The following OGDH variants were observed in gnomAD, a reference collection of about 807,000 sequenced individuals.
OGDH encodes the protein oxoglutarate dehydrogenase, also known as 2-oxoglutarate dehydrogenase complex component E1.
Under a neutral mutation model 116.6 loss-of-function variants are expected in OGDH, and 38 were observed. That is an observed-to-expected ratio of 0.33 (90% CI 0.25 to 0.43). OGDH has a LOEUF of 0.43. Among genes scored for constraint, OGDH ranks in the 20% least tolerant of loss-of-function variants. The pLI is 1.00. For synonymous variants in OGDH, 488 were observed against 533.3 expected, an observed-to-expected ratio of 0.92 and a Z score of 1.17; for missense variants, 825 against 1,357.2, an observed-to-expected ratio of 0.61 and a Z score of 6.16.
intron 10 of OGDH, among the ~76,000 whole-genome samples, chr7:44,693,260 A>T (rs1788440155): frequency 6.6e-6 from 1 of 151,902 alleles, no homozygotes; most frequent in Non-Finnish European, 1.5e-5. Context: ...GTGAGCTGAG[A>T]TCACGCCATT....
chr7:44,694,277 C>T lies in OGDH; in HGVS notation c.1516-147C>T. On this transcript the variant is annotated intron_variant, in intron 11 of 22. Transcript: ENST00000222673. The surrounding 1 kb of genome is among the most constrained non-coding windows in gnomAD (Gnocchi z 4.2). Reference sequence around the variant, plus strand: ...GTGTGAAGGAGAGATACACAGAATCCTAATTCTAGAGAAGGTAAACTCCAG... The same window carrying T: ...GTGTGAAGGAGAGATACACAGAATCTTAATTCTAGAGAAGGTAAACTCCAG... 1 of 1,039,472 alleles carries T rather than the reference C, an allele frequency of 9.6e-7. No homozygotes were observed. The highest frequency in any genetic ancestry group is 1.6e-5 in the South Asian group (1 of 62,084). The allele number at this position is 1,039,472 out of a possible 1,614,324, so 64.4% of individuals were successfully genotyped here. A position where few individuals can be genotyped will look rare whatever the true frequency, so the allele number is the denominator to read the frequency against.
At chr7:44,658,180 A>G (rs1209879272) in intron 4 of OGDH, among the ~76,000 whole-genome samples, 1 of 152,068 alleles carries the variant, frequency 6.6e-6, no homozygotes, top group Non-Finnish European at 1.5e-5. Flanking sequence ...TTAAACCTAT[A>G]GATCCATTTA....
chr7:44,689,600 A>G (rs146552843), intron 10 of OGDH, among the ~76,000 whole-genome samples: 161 of 151,922 alleles, frequency 1.1e-3, no homozygotes, highest in Admixed American at 2.2e-3. Context: ...TATTCTAGCC[A>G]TCCTAGAAGG....
intron 5 of OGDH, 109 bp from the exon 6 acceptor site, chr7:44,673,678 A>G: frequency 1.8e-6 from 2 of 1,089,984 alleles, no homozygotes; most frequent in Non-Finnish European, 2.8e-6. Flanking sequence ...ACATTTCAGA[A>G]CAAGCCTCCT....
chr7:44,668,976 T>A (rs1167973028), intron 5 of OGDH, among the ~76,000 whole-genome samples: 1 of 151,958 alleles, frequency 6.6e-6, no homozygotes, highest in Non-Finnish European at 1.5e-5. Context: ...CCATATAGCT[T>A]CTCCAAGTGG....
At position 44,624,357 on chromosome 7, in the gene OGDH, G is replaced by A; in HGVS notation, c.14G>A (p.Arg5Lys). Reference sequence around the variant, plus strand: ...TTCAGGACAAAAATGTTTCATTTAAGGACTTGTGCTGCTAAGTTGAGGCCA... The same window carrying A: ...TTCAGGACAAAAATGTTTCATTTAAAGACTTGTGCTGCTAAGTTGAGGCCA... MFHL[R>K]TCAAKLRPLT... Residue 5 changes from arginine (R) to lysine (K), a missense_variant, in exon 2 of 23, where the codon AGG becomes AAG. Arg to Lys is a conservative substitution (Grantham distance 26). Around this residue, in one of 7 missense-constraint regions of OGDH, gnomAD observed 126 missense variants for 130.4 expected, o/e 0.97. Transcript: ENST00000222673. The A allele has an allele frequency of 6.8e-7, 1 of 1,473,052 alleles. No individual in the cohort carries two copies. 91.2% of individuals were successfully genotyped at this position (1,473,052 alleles called of 1,614,324 possible). A position where few individuals can be genotyped will look rare whatever the true frequency, so the allele number is the denominator to read the frequency against.
intron 5 of OGDH, among the ~76,000 whole-genome samples, chr7:44,673,120 A>G (rs886134273): frequency 3.9e-5 from 6 of 152,174 alleles, no homozygotes; most frequent in African/African-American, 9.6e-5. Flanking sequence ...CTTATGGGCA[A>G]TCTTGCTTCC....
chr7:44,629,978 C>T lies in OGDH; in HGVS notation c.222+5413C>T, dbSNP rs148735730. ...CGCTGCAGGAGGGAGGGTCTCTATG[C>T]GTTCAGATTACAGGTGCAGGCTGTT... On this transcript the variant is annotated intron_variant, in intron 2 of 22. Transcript: ENST00000222673. Among the ~76,000 whole-genome samples the T allele has an allele frequency of 2.9e-3, 440 of 152,282 alleles. 2 individuals are homozygous for T. Among genetic ancestry groups the T allele is most frequent in the African/African-American group, 1.0e-2 (414 of 41,542 alleles).
In OGDH at chr7:44,697,966, G is replaced by A. The variant is rs1423286117; in HGVS notation, c.2358+184G>A. ...AGCCAGAGTAGCCCATCTGGATGTG[G>A]CTAGCATGCCCCGTCCCTGCTGGTG... On this transcript the variant is annotated intron_variant, in intron 17 of 22. Transcript: ENST00000222673. The surrounding 1 kb of genome is among the most constrained non-coding windows in gnomAD (Gnocchi z 6.0). Among the ~76,000 whole-genome samples the A allele has an allele frequency of 6.6e-6, 1 of 152,208 alleles. No homozygotes were observed. Among genetic ancestry groups the A allele is most frequent in the Non-Finnish European group, 1.5e-5 (1 of 68,038 alleles).
At chr7:44,672,728 C>T (rs1208319262) in intron 5 of OGDH, among the ~76,000 whole-genome samples, 1 of 151,354 alleles carries the variant, frequency 6.6e-6, no homozygotes, top group Non-Finnish European at 1.5e-5. Context: ...CTGCAACCTC[C>T]GCCTCCTGGG....
chr7:44,606,848 G>A (rs1784370761), intron 1 of OGDH, among the ~76,000 whole-genome samples, 195 bp downstream of exon 1: 2 of 152,162 alleles, frequency 1.3e-5, no homozygotes, highest in East Asian at 1.9e-4. Context: ...ATGGATGGCC[G>A]TGGCAGCCAA....
chr7:44,633,499 T>C (rs1467108365), intron 2 of OGDH, among the ~76,000 whole-genome samples: 1 of 152,140 alleles, frequency 6.6e-6, no homozygotes, highest in African/African-American at 2.4e-5. Flanking sequence ...CATCATGTTA[T>C]TAAAAAATAG....
rs898178742 is a variant in OGDH at position 44,698,058 on chromosome 7, G to A, written c.2359-134G>A. On this transcript the variant is annotated intron_variant, in intron 17 of 22. Coordinates refer to ENST00000222673, the MANE Select transcript of OGDH (RefSeq NM_002541.4). Reference sequence around the variant, plus strand: ...GAGCCAAGTGCTTTGCTGGTGGGAGGGGGAAGGAACTGAACCCTGCCATCA... The same window carrying A: ...GAGCCAAGTGCTTTGCTGGTGGGAGAGGGAAGGAACTGAACCCTGCCATCA... 3.9e-6 allele frequency: 4 copies of A among 1,029,116 alleles called. No individual in the cohort carries two copies. In the Admixed American group the frequency reaches 6.4e-5, roughly 16 times the overall value. 63.7% of individuals were successfully genotyped at this position (1,029,116 alleles called of 1,614,324 possible). A position where few individuals can be genotyped will look rare whatever the true frequency, so the allele number is the denominator to read the frequency against.
rs577248467 is a variant in OGDH at position 44,632,047 on chromosome 7, C to A, written c.222+7482C>A. Among the ~76,000 whole-genome samples, 8 of 152,216 alleles carry A rather than the reference C, an allele frequency of 5.3e-5. No homozygotes were observed. The East Asian group carries it at 9.7e-4, about 18-fold the overall frequency. ...AGGAGCCAGACGCAGCAAGAAAAAA[C>A]CAAAAATTTGGATTATGAAGTAAAT... On this transcript the variant is annotated intron_variant, in intron 2 of 22. Coordinates refer to ENST00000222673, the MANE Select transcript of OGDH (RefSeq NM_002541.4).
intron 2 of OGDH, among the ~76,000 whole-genome samples, chr7:44,643,418 A>G (rs1353597773): frequency 1.3e-5 from 2 of 151,730 alleles, no homozygotes; most frequent in East Asian, 1.9e-4. Flanking sequence ...AAAGGGAAGG[A>G]AAAAAAAAGT....
intron 10 of OGDH, among the ~76,000 whole-genome samples, chr7:44,692,759 G>A (rs188094291): frequency 3.9e-5 from 6 of 152,254 alleles, no homozygotes; most frequent in African/African-American, 1.4e-4. Flanking sequence ...TTCTGGCTGG[G>A]TACTGTGGCT....
rs1189078660 is a variant in OGDH at position 44,694,044 on chromosome 7, C to T, written c.1515+40C>T. The stretch of plus-strand genomic sequence containing the variant: ...GGACAGCACGTCCTGGGCAGAGCAT[C>T]TGACCCACCCCTCTTGCCCTCGGCA... On this transcript the variant is annotated intron_variant, in intron 11 of 22. Transcript: ENST00000222673. The surrounding 1 kb of genome is among the most constrained non-coding windows in gnomAD (Gnocchi z 4.2). 6.4e-6 allele frequency: 10 copies of T among 1,574,730 alleles called. No individual in the cohort carries two copies. The highest frequency in any genetic ancestry group is 7.8e-6 in the Non-Finnish European group (9 of 1,153,588).
chr7:44,615,121 A>G (rs554337316), intron 1 of OGDH, among the ~76,000 whole-genome samples: 135 of 152,306 alleles, frequency 8.9e-4, no homozygotes, highest in Non-Finnish European at 1.5e-3. Context: ...ATGAGCCACC[A>G]TGCCCGGACA....
chr7:44,678,065 G>C (rs1182975401), intron 9 of OGDH, among the ~76,000 whole-genome samples: 1 of 152,068 alleles, frequency 6.6e-6, no homozygotes. Context: ...GAACGAGTAT[G>C]ACCCACAGGG....
Sources: allele counts gnomAD v4.1 joint callset (sites outside exome capture counted in the v4.1 genomes callset), GRCh38; gene constraint gnomAD v4.1.1; regional missense constraint gnomAD v4.1.1; non-coding constraint Gnocchi (gnomAD v3.1); transcripts MANE v1.5; gene names NCBI Gene and HGNC (gene_info 2026-07-23, HGNC 2026-07-21).